FANCG: variants seen among roughly 807,000 people sequenced by gnomAD.
FANCG encodes Fanconi anemia group G protein.
In FANCG, 67 loss-of-function variants were observed where a neutral mutation model predicts 73.3. The ratio of observed to expected loss-of-function variants is 0.91; its 90% CI spans 0.75 to 1.12. The LOEUF (loss-of-function observed/expected upper bound fraction) is 1.12. Among genes scored for constraint, FANCG ranks in the 50% most tolerant of loss-of-function variants. The probability of loss-of-function intolerance (pLI) is 0.00; values close to 1 mark genes in which losing one functional copy is unlikely to be tolerated. For synonymous variants in FANCG, 297 were observed against 311.6 expected (o/e 0.95, Z 0.49); for missense variants, 643 against 735.6 (o/e 0.87, Z 1.46).
Position 35,078,717 on chromosome 9 carries a change from A to G in FANCG, c.195T>C (p.Pro65=). 1 of 1,614,176 alleles carries G rather than the reference A, an allele frequency of 6.2e-7. No homozygotes were observed. The highest frequency in any genetic ancestry group is 8.5e-7 in the Non-Finnish European group (1 of 1,180,032). The part of the protein sequence containing the change: ...HSLQGLPAAV[P]VLPLELTVTC... ...TGACAGTCAGCTCCAAGGGAAGAACAGGAACAGCTGCAGGGAGCCCTGGAG... is the reference window on the plus strand; with the variant it reads ...TGACAGTCAGCTCCAAGGGAAGAACGGGAACAGCTGCAGGGAGCCCTGGAG... The change falls in exon 3 of 14, where the codon CCT becomes CCC. Residue 65 remains proline (P), a synonymous_variant. Transcript: ENST00000378643.
At chr9:35,077,761 A>AT (rs59086497) in intron 4 of FANCG, among the ~76,000 whole-genome samples, 4,417 of 145,258 alleles carry the variant, frequency 0.03, 171 homozygotes, top group African/African-American at 0.089. Context: ...CCAAAAAAAA[A>AT]TTTTTTTTTT....
rs748738986 is a variant in FANCG, at chr9:35,075,600, C to T, written c.1298G>A (p.Arg433Gln). The part of the protein sequence containing the change: ...RTSSLLPKMS[R>Q]LWEDARKGTK... Reference sequence around the variant, plus strand: ...TCCTTTTCTGGCATCTTCCCACAGCCGGGACATCTTGGGTAGCAGAGATGA... The same window carrying T: ...TCCTTTTCTGGCATCTTCCCACAGCTGGGACATCTTGGGTAGCAGAGATGA... The change falls in exon 10 of 14, where the codon CGG becomes CAG. Residue 433 changes from arginine to glutamine, a missense_variant. Coordinates refer to ENST00000378643, the MANE Select transcript of FANCG (RefSeq NM_004629.2). The T allele has an allele frequency of 1.6e-5, 26 of 1,614,084 alleles. No individual in the cohort carries two copies. Among genetic ancestry groups the T allele is most frequent in the Admixed American group, 6.7e-5 (4 of 60,008 alleles).
chr9:35,074,565 A>C (rs1475924785), intron 12 of FANCG, 71 bp from the exon 13 acceptor site: 3 of 1,598,232 alleles, frequency 1.9e-6, no homozygotes, highest in Non-Finnish European at 2.6e-6. Flanking sequence ...ATAAAAAGGG[A>C]AACTGAGGCC....
chr9:35,074,445 A>G lies in FANCG; in HGVS notation c.1686T>C (p.Asp562=). The G allele has an allele frequency of 6.2e-7, 1 of 1,614,172 alleles. No homozygotes were observed. The highest frequency in any genetic ancestry group is 8.5e-7 in the Non-Finnish European group (1 of 1,180,026). ...FHLLQTLKRL[D]RRDEATALWW... is the part of the protein sequence containing the mutation. The stretch of plus-strand genomic sequence containing the variant: ...AGAGTGCAGTGGCCTCATCCCTCCG[A>G]TCTAGCCTCTTCAGAGTCTGAAGCA... The change falls in exon 13 of 14, where the codon GAT becomes GAC. Residue 562 remains aspartate, a synonymous_variant. Transcript: ENST00000378643.
At chr9:35,078,845 A>G in intron 2 of FANCG, 109 bp from the exon 3 acceptor site, 2 of 1,422,612 alleles carry the variant, frequency 1.4e-6, no homozygotes, top group South Asian at 1.2e-5. Context: ...ACAATAAAGA[A>G]CCCACCCTCC....
intron 12 of FANCG, 193 bp downstream of exon 12, chr9:35,074,734 G>A (rs1829049678): frequency 2.3e-6 from 2 of 861,214 alleles, no homozygotes; most frequent in Non-Finnish European, 3.7e-6. Context: ...GGGAAACCAG[G>A]GAACTCTTGG....
rs377305067 is a variant in FANCG, at chr9:35,074,088, A to G, written c.*20T>C. 2.5e-6 allele frequency: 4 copies of G among 1,594,084 alleles called. No homozygotes were observed. In the African/African-American group the frequency reaches 4.0e-5, roughly 16 times the overall value. On this transcript the variant is annotated 3_prime_UTR_variant, in exon 14 of 14. Transcript: ENST00000378643. ...GACAGCCCACTGGGGACCCAGCTCA[A>G]GCTCTTCAAAACGTGGCAGCTACAG...
Position 35,077,390 on chromosome 9 carries a change from A to G in FANCG, c.520T>C (p.Ser174Pro), listed in dbSNP as rs896354165. 6.2e-7 allele frequency: 1 copy of G among 1,613,954 alleles called. No individual in the cohort carries two copies. Among genetic ancestry groups the G allele is most frequent in the Non-Finnish European group, 8.5e-7 (1 of 1,180,000 alleles). ...ETLNGSQSGA[S>P]KDLLLLLKTW... The stretch of plus-strand genomic sequence containing the variant: ...TTCAGAAGTAACAGCAGATCCTTAG[A>G]GGCTCCACTCTGGGGAAAGAAGGAC... Residue 174 changes from serine to proline, a missense_variant, in exon 5 of 14, where the codon TCT becomes CCT. Physicochemically the swap from Ser to Pro is moderately conservative, Grantham distance 74. Transcript: ENST00000378643.
rs764900686 is a variant in FANCG at position 35,079,218 on chromosome 9, A to G, written c.108T>C (p.Thr36=). ...CCTGAGCCAACTGCTGTCGCCTCAG[A>G]GTCAGACCGGAGTTCTGAGCCACCT... ...QAKVAQNSGL[T]LRRQQLAQDA... is the part of the protein sequence containing the mutation. The change falls in exon 2 of 14, where the codon ACT becomes ACC. Residue 36 remains threonine, a synonymous_variant. Coordinates refer to ENST00000378643, the MANE Select transcript of FANCG (RefSeq NM_004629.2). 3 of 1,608,084 alleles carry G rather than the reference A, an allele frequency of 1.9e-6. No individual in the cohort carries two copies. The highest frequency in any genetic ancestry group is 2.5e-6 in the Non-Finnish European group (3 of 1,177,606).
intron 4 of FANCG, 112 bp from the exon 5 acceptor site, chr9:35,077,511 A>C: frequency 9.0e-6 from 12 of 1,329,512 alleles, no homozygotes; most frequent in African/African-American, 2.9e-5. Flanking sequence ...ATCCTTGAGG[A>C]CACAGGCCTC....
In FANCG at chr9:35,076,753, C is replaced by T; in HGVS notation, c.895G>A (p.Glu299Lys). Residue 299 changes from glutamate to lysine, a missense_variant, in exon 7 of 14, where the codon GAG (glutamate) becomes AAG (lysine). Coordinates refer to ENST00000378643, the MANE Select transcript of FANCG (RefSeq NM_004629.2). ...LYQQLGDTTA[E>K]LESLELLVEA... ...ACTAGCAGCTCCAGACTCTCCAGCT[C>T]TGCTGTTGTGTCCCCCAGTTGCTGA... 1.2e-6 allele frequency: 2 copies of T among 1,614,238 alleles called. No homozygotes were observed. Among genetic ancestry groups the T allele is most frequent in the South Asian group, 2.2e-5 (2 of 91,086 alleles).
chr9:35,074,996 C>G lies in FANCG; in HGVS notation c.1567G>C (p.Glu523Gln), dbSNP rs761993636. Reference protein sequence around the residue: ...RAAALISRGLEWVASGQDTKA... With the variant: ...RAAALISRGLQWVASGQDTKA... ...GTATCCTGGCCGCTGGCTACCCATT[C>G]CAGTCCACGACTAATTAGGGCGGCT... The change falls in exon 12 of 14, where the codon GAA becomes CAA. Residue 523 changes from glutamate to glutamine, a missense_variant. Glu to Gln is a conservative substitution (Grantham distance 29). Transcript: ENST00000378643. The G allele has an allele frequency of 9.3e-6, 15 of 1,614,218 alleles. No homozygotes were observed. The highest frequency in any genetic ancestry group is 1.1e-5 in the Non-Finnish European group (13 of 1,180,038).
intron 8 of FANCG, 193 bp downstream of exon 8, chr9:35,076,239 T>C (rs1188673604): frequency 3.8e-6 from 3 of 795,732 alleles, no homozygotes; most frequent in South Asian, 1.5e-5. Context: ...GTGTCAAAGA[T>C]AGAGAAGGTT....
intron 9 of FANCG, 26 bp from the exon 10 acceptor site, chr9:35,075,780 C>T: frequency 1.3e-6 from 2 of 1,589,518 alleles, no homozygotes; most frequent in Non-Finnish European, 1.7e-6. Context: ...GAAGCAGTGT[C>T]TTGAAAGGCA....
chr9:35,075,243 C>A, intron 11 of FANCG, 36 bp downstream of exon 11: 1 of 1,612,808 alleles, frequency 6.2e-7, no homozygotes, highest in Non-Finnish European at 8.5e-7. Context: ...ACTACCACTT[C>A]CAGGAGGTAA....
In FANCG at chr9:35,079,141, A is replaced by G; in HGVS notation, c.175+10T>C. The G allele has an allele frequency of 6.2e-7, 1 of 1,601,842 alleles. No homozygotes were observed. Among genetic ancestry groups the G allele is most frequent in the African/African-American group, 1.3e-5 (1 of 74,726 alleles). On this transcript the variant is annotated intron_variant, in intron 2 of 13. Transcript: ENST00000378643. ...AGGGGAACTGACCATCCTGGGGAGG[A>G]CCCGCCTACCTTGCAGACTATGGAG... is the stretch of plus-strand genomic sequence containing the variant.
At chr9:35,076,114 G>C (rs1829078292) in intron 8 of FANCG, 86 bp from the exon 9 acceptor site, 2 of 1,350,020 alleles carry the variant, frequency 1.5e-6, no homozygotes, top group African/African-American at 2.9e-5. Flanking sequence ...TTAGCTAACA[G>C]ATGGATGTTC....
chr9:35,076,601 A>G lies in FANCG; in HGVS notation c.925-18T>C. 1 of 1,614,106 alleles carries G rather than the reference A, an allele frequency of 6.2e-7. No homozygotes were observed. The highest frequency in any genetic ancestry group is 8.5e-7 in the Non-Finnish European group (1 of 1,180,010). On this transcript the variant is annotated intron_variant, in intron 7 of 13. Coordinates refer to ENST00000378643, the MANE Select transcript of FANCG (RefSeq NM_004629.2). Reference sequence around the variant, plus strand: ...TTCAAGGCCTAAAAGAGAAAGAAAAAAATTGTATCTATAATCTTTGGGAGC... The same window carrying G: ...TTCAAGGCCTAAAAGAGAAAGAAAAGAATTGTATCTATAATCTTTGGGAGC...
rs1829086919 is a variant in FANCG, at chr9:35,076,539, A to G, written c.969T>C (p.Ile323=). The change falls in exon 8 of 14, where the codon ATT becomes ATC. Residue 323 remains isoleucine (I), a synonymous_variant. Transcript: ENST00000378643. The part of the protein sequence containing the change: ...PCSSKAPQFL[I]EVELLLPPPD... ...GTGGTGGCAGTAGTAATTCTACCTC[A>G]ATGAGAAACTGCGGGGCTTTGGAAC... is the stretch of plus-strand genomic sequence containing the variant. 6.2e-7 allele frequency: 1 copy of G among 1,614,040 alleles called. No individual in the cohort carries two copies. Among genetic ancestry groups the G allele is most frequent in the Non-Finnish European group, 8.5e-7 (1 of 1,180,030 alleles).
Sources: allele counts gnomAD v4.1 joint callset (sites outside exome capture counted in the v4.1 genomes callset), GRCh38; gene constraint gnomAD v4.1.1; transcripts MANE v1.5; gene names NCBI Gene and HGNC (gene_info 2026-07-23, HGNC 2026-07-21).